Variants in SGCZ observed in about 807,000 individuals in gnomAD.
SGCZ encodes zeta-sarcoglycan.
Under a neutral mutation model 41.3 loss-of-function variants are expected in SGCZ, and 40 were observed. That is an observed-to-expected ratio of 0.97 (90% CI 0.75 to 1.26). SGCZ has a LOEUF of 1.26. SGCZ is among the 50% of genes most tolerant of loss of function. The probability of loss-of-function intolerance (pLI) is 0.00; values close to 1 mark genes in which losing one functional copy is unlikely to be tolerated. For missense variants in SGCZ, 552 were observed against 369.8 expected, an observed-to-expected ratio of 1.49 and a Z score of -4.04; for synonymous variants, 206 against 137.5, an observed-to-expected ratio of 1.50 and a Z score of -3.49.
chr8:14,721,423 G>A (rs1443098406), intron 1 of SGCZ, among the ~76,000 whole-genome samples: 1 of 152,242 alleles, frequency 6.6e-6, no homozygotes, highest in South Asian at 2.1e-4. Context: ...TGATCCTTCT[G>A]TCATCTTCTA....
intron 2 of SGCZ, among the ~76,000 whole-genome samples, chr8:14,448,592 C>T (rs977804789): frequency 1.3e-5 from 2 of 152,082 alleles, no homozygotes; most frequent in South Asian, 2.1e-4. Flanking sequence ...TCAGGCACAC[C>T]GACTATTAAT....
intron 1 of SGCZ, among the ~76,000 whole-genome samples, chr8:14,871,781 C>A (rs1193117833): frequency 6.6e-6 from 1 of 150,664 alleles, no homozygotes; most frequent in African/African-American, 2.4e-5. Context: ...ACCAGCCTGG[C>A]AAGAGAGTGA....
chr8:14,772,956 C>T (rs1196117704), intron 1 of SGCZ, among the ~76,000 whole-genome samples: 5 of 152,040 alleles, frequency 3.3e-5, no homozygotes, highest in Non-Finnish European at 7.4e-5. Context: ...AATGGGATGG[C>T]TGGGTCAAAT....
At chr8:14,589,683 T>C (rs10092607) in intron 1 of SGCZ, among the ~76,000 whole-genome samples, 5,654 of 152,286 alleles carry the variant, frequency 0.037, 247 homozygotes, top group African/African-American at 0.1. Flanking sequence ...GGAACATAGA[T>C]ATTTCCTTCA....
chr8:14,193,046 C>A (rs538447551), intron 4 of SGCZ, among the ~76,000 whole-genome samples: 3 of 151,826 alleles, frequency 2.0e-5, no homozygotes, highest in Non-Finnish European at 4.4e-5. Context: ...GATACTTTTC[C>A]CAAAGATGTG....
intron 1 of SGCZ, among the ~76,000 whole-genome samples, chr8:14,577,250 C>G (rs1395678629): frequency 6.6e-6 from 1 of 152,132 alleles, no homozygotes; most frequent in East Asian, 1.9e-4. Flanking sequence ...AAACAACTTA[C>G]TGCTGTTTTT....
intron 1 of SGCZ, among the ~76,000 whole-genome samples, chr8:14,822,401 G>A (rs1432981161): frequency 1.3e-5 from 2 of 152,114 alleles, no homozygotes; most frequent in Admixed American, 6.5e-5. Context: ...TTGTTAAAAT[G>A]ATCATACCAC....
At chr8:14,225,340 G>C (rs549204529) in intron 4 of SGCZ, among the ~76,000 whole-genome samples, 149 of 152,124 alleles carry the variant, frequency 9.8e-4, no homozygotes, top group African/African-American at 3.4e-3. Flanking sequence ...TTGAAGGTAA[G>C]CTGATTAGTT....
At chr8:14,912,445 A>C (rs909111050) in intron 1 of SGCZ, among the ~76,000 whole-genome samples, 1 of 152,032 alleles carries the variant, frequency 6.6e-6, no homozygotes, top group African/African-American at 2.4e-5. Context: ...TTTATACTAC[A>C]TGTTGAGAAC....
chr8:15,208,646 G>A (rs756142135), intron 1 of SGCZ, among the ~76,000 whole-genome samples: 13 of 152,028 alleles, frequency 8.6e-5, no homozygotes, highest in Non-Finnish European at 1.5e-5. Context: ...TCTTATATTA[G>A]CAATGTGTCA....
Position 15,164,600 on chromosome 8 carries a change from T to C in SGCZ, c.39+72985A>G, listed in dbSNP as rs561413627. ...GGCATTTTTAAACTTTTTTTTTTTT[T>C]CCTCTTCTCCACCCCATCAGCAGTT... On this transcript the variant is annotated intron_variant, in intron 1 of 7. Transcript: ENST00000382080. 1.1e-4 allele frequency among the ~76,000 whole-genome samples: 16 copies of C among 151,478 alleles called. No homozygotes were observed. The East Asian group carries it at 2.9e-3, about 28-fold the overall frequency.
At chr8:14,606,419 A>G (rs188056597) in intron 1 of SGCZ, among the ~76,000 whole-genome samples, 2 of 152,286 alleles carry the variant, frequency 1.3e-5, no homozygotes, top group African/African-American at 2.4e-5. Flanking sequence ...TTGGTGCAAG[A>G]TCAAAACTCT....
intron 2 of SGCZ, among the ~76,000 whole-genome samples, chr8:14,535,459 G>A (rs150187112): frequency 2.1e-3 from 312 of 151,884 alleles, no homozygotes; most frequent in African/African-American, 5.1e-3. Flanking sequence ...GATTTCACTC[G>A]ATTAGCAATG....
intron 2 of SGCZ, among the ~76,000 whole-genome samples, chr8:14,518,604 C>G (rs1014963101): frequency 6.6e-6 from 1 of 152,016 alleles, no homozygotes; most frequent in Non-Finnish European, 1.5e-5. Context: ...TGGAGACCTA[C>G]CTACATCCAC....
At chr8:14,897,948 C>T (rs1008678956) in intron 1 of SGCZ, among the ~76,000 whole-genome samples, 10 of 152,068 alleles carry the variant, frequency 6.6e-5, no homozygotes, top group African/African-American at 2.2e-4. Context: ...GAGATGTATC[C>T]CCTACCCTAA....
rs59543494 is a variant in SGCZ at position 14,978,470 on chromosome 8, C to CAAAAAAAAAAAAAAAAAAAAAAA, written c.39+259092_39+259114dup. The stretch of plus-strand genomic sequence containing the variant: ...TGGAGGACCGAGTGAGACACCGTCA[C>CAAAAAAAAAAAAAAAAAAAAAAA]AAAAAAAAAAAAAAAAAAAAAAAAA... On this transcript the variant is annotated intron_variant, in intron 1 of 7. Coordinates refer to ENST00000382080, the MANE Select transcript of SGCZ (RefSeq NM_139167.4). Among the ~76,000 whole-genome samples, 3 of 62,824 alleles carry CAAAAAAAAAAAAAAAAAAAAAAA rather than the reference C, an allele frequency of 4.8e-5. 1 individual carries two copies. Among genetic ancestry groups the CAAAAAAAAAAAAAAAAAAAAAAA allele is most frequent in the African/African-American group, 2.5e-4 (3 of 12,042 alleles). The allele number at this position is 62,824 out of a possible 152,430, so 41.2% of individuals were successfully genotyped here. A position where few individuals can be genotyped will look rare whatever the true frequency, so the allele number is the denominator to read the frequency against.
chr8:14,722,961 G>T (rs1809937460), intron 1 of SGCZ, among the ~76,000 whole-genome samples: 2 of 152,118 alleles, frequency 1.3e-5, no homozygotes, highest in Non-Finnish European at 2.9e-5. Flanking sequence ...CAATTCAATA[G>T]AATGCAGGGC....
intron 1 of SGCZ, among the ~76,000 whole-genome samples, chr8:15,165,866 T>C (rs1277071500): frequency 6.6e-6 from 1 of 152,212 alleles, no homozygotes; most frequent in Admixed American, 6.5e-5. Context: ...AAGGGTGTCA[T>C]ATGGTTTTTC....
intron 1 of SGCZ, among the ~76,000 whole-genome samples, chr8:15,061,692 G>A (rs1257815924): frequency 6.6e-6 from 1 of 152,024 alleles, no homozygotes; most frequent in African/African-American, 2.4e-5. Flanking sequence ...TCTGCCATGT[G>A]AGGACAGAGG....
Sources: gnomAD v4.1 joint callset for allele counts (sites outside exome capture counted in the v4.1 genomes callset) on GRCh38, gnomAD v4.1.1 for gene constraint, MANE v1.5 for transcripts, NCBI Gene and HGNC (gene_info 2026-07-23, HGNC 2026-07-21) for gene names.